Variants in SLC24A3 observed in about 807,000 individuals in gnomAD.
SLC24A3 encodes the protein sodium/potassium/calcium exchanger 3.
A neutral mutation model predicts 75.8 loss-of-function variants in SLC24A3; 28 were observed. That is an observed-to-expected ratio of 0.37 (90% confidence interval 0.27 to 0.51). SLC24A3 has a LOEUF of 0.51. Ranked by LOEUF, SLC24A3 falls within the 20% of genes least tolerant of loss-of-function variation. SLC24A3 has a pLI of 0.94. For missense variants in SLC24A3, 663 were observed against 847.8 expected (o/e 0.78, Z 2.71); for synonymous variants, 372 against 334.1 (o/e 1.11, Z -1.24).
At chr20:19,496,628 C>G (rs926842689) in intron 2 of SLC24A3, among the ~76,000 whole-genome samples, 5 of 152,088 alleles carry the variant, frequency 3.3e-5, no homozygotes, top group African/African-American at 1.2e-4. Flanking sequence ...CCCGTGAAAG[C>G]CATGTTGGAC....
intron 3 of SLC24A3, among the ~76,000 whole-genome samples, chr20:19,540,072 G>A (rs769081012): frequency 2.4e-4 from 36 of 152,138 alleles, no homozygotes; most frequent in African/African-American, 8.5e-4. Flanking sequence ...TTCACTTGGC[G>A]GGAGAAGAGG....
intron 15 of SLC24A3, among the ~76,000 whole-genome samples, chr20:19,705,071 C>T (rs1568705114): frequency 6.6e-6 from 1 of 152,184 alleles, no homozygotes; most frequent in Non-Finnish European, 1.5e-5. Flanking sequence ...CAGACCAGAT[C>T]CATCCCTGAG....
chr20:19,401,104 G>T (rs1007736608), intron 2 of SLC24A3, among the ~76,000 whole-genome samples: 2 of 152,150 alleles, frequency 1.3e-5, no homozygotes, highest in Admixed American at 1.3e-4. Context: ...CATTTCAGGA[G>T]GGAAAATGAC....
intron 6 of SLC24A3, among the ~76,000 whole-genome samples, chr20:19,620,070 C>A (rs2031784138): frequency 6.6e-6 from 1 of 152,108 alleles, no homozygotes; most frequent in South Asian, 2.1e-4. Context: ...CCACTTTTTT[C>A]CTTGGCTGAC....
intron 1 of SLC24A3, among the ~76,000 whole-genome samples, chr20:19,218,751 A>G (rs1981630677): frequency 6.6e-6 from 1 of 151,344 alleles, no homozygotes; most frequent in Non-Finnish European, 1.5e-5. Context: ...TTGCAAAACT[A>G]GATATTTGCT....
chr20:19,345,415 A>G (rs1985368958), intron 2 of SLC24A3, among the ~76,000 whole-genome samples: 1 of 152,236 alleles, frequency 6.6e-6, no homozygotes, highest in African/African-American at 2.4e-5. Flanking sequence ...TAAAGTTTAT[A>G]TTGAAAGGCA....
intron 1 of SLC24A3, among the ~76,000 whole-genome samples, chr20:19,226,742 A>G (rs1054158629): frequency 1.1e-4 from 17 of 152,210 alleles, no homozygotes; most frequent in Admixed American, 2.0e-4. Flanking sequence ...GAAAAATAAG[A>G]CAAACAGTTT....
Position 19,658,291 on chromosome 20 carries a change from T to A in SLC24A3, c.687+4155T>A, listed in dbSNP as rs140142674. On this transcript the variant is annotated intron_variant, in intron 7 of 16. Coordinates refer to ENST00000328041, the MANE Select transcript of SLC24A3 (RefSeq NM_020689.4). Reference sequence around the variant, plus strand: ...GAGGGTCAGGAAAGCGCCAATAGAGTCCTTAAGACCTGGATTCAAAATGGC... The same window carrying A: ...GAGGGTCAGGAAAGCGCCAATAGAGACCTTAAGACCTGGATTCAAAATGGC... 2.3e-4 allele frequency among the ~76,000 whole-genome samples: 35 copies of A among 150,574 alleles called. 1 individual carries two copies. The highest frequency in any genetic ancestry group is 7.3e-4 in the African/African-American group (30 of 40,916).
intron 2 of SLC24A3, among the ~76,000 whole-genome samples, chr20:19,427,103 G>A (rs1260679906): frequency 1.3e-5 from 2 of 152,158 alleles, no homozygotes; most frequent in Non-Finnish European, 2.9e-5. Context: ...GTGTGCATGT[G>A]TATGCATATG....
chr20:19,386,827 G>A (rs750183615), intron 2 of SLC24A3, among the ~76,000 whole-genome samples: 6 of 152,100 alleles, frequency 3.9e-5, no homozygotes, highest in Non-Finnish European at 5.9e-5. Flanking sequence ...GTATTTTATT[G>A]AGGATTTTTG....
chr20:19,690,784 G>A (rs1248158251), intron 12 of SLC24A3, among the ~76,000 whole-genome samples: 1 of 152,180 alleles, frequency 6.6e-6, no homozygotes, highest in East Asian at 1.9e-4. Context: ...CAGTCTCTAT[G>A]TTCTCATCAT....
chr20:19,560,879 A>G (rs1389418481), intron 3 of SLC24A3, among the ~76,000 whole-genome samples: 5 of 152,210 alleles, frequency 3.3e-5, no homozygotes, highest in Non-Finnish European at 7.3e-5. Context: ...ATATGTAAGT[A>G]TAATTAATAG....
intron 6 of SLC24A3, among the ~76,000 whole-genome samples, chr20:19,600,491 A>G (rs562448388): frequency 2.0e-5 from 3 of 152,234 alleles, no homozygotes; most frequent in South Asian, 2.1e-4. Flanking sequence ...ATAAATAAAA[A>G]TGGATTTTAA....
At chr20:19,262,696 G>T (rs1306425590) in intron 1 of SLC24A3, among the ~76,000 whole-genome samples, 1 of 152,126 alleles carries the variant, frequency 6.6e-6, no homozygotes, top group African/African-American at 2.4e-5. Flanking sequence ...AATGGGGACT[G>T]GTGGAAGGGA....
chr20:19,450,999 CA>C (rs1370301649), intron 2 of SLC24A3, among the ~76,000 whole-genome samples: 2 of 150,146 alleles, frequency 1.3e-5, no homozygotes, highest in Non-Finnish European at 3.0e-5. Flanking sequence ...GACTCTGTTT[CA>C]AAAAAAAAGG....
intron 2 of SLC24A3, among the ~76,000 whole-genome samples, chr20:19,448,021 C>G (rs529700714): frequency 6.6e-6 from 1 of 152,338 alleles, no homozygotes; most frequent in African/African-American, 2.4e-5. Flanking sequence ...AAAATGAGCT[C>G]GCTCTTCCCA....
At chr20:19,326,969 G>A (rs1984877138) in intron 2 of SLC24A3, among the ~76,000 whole-genome samples, 2 of 151,974 alleles carry the variant, frequency 1.3e-5, no homozygotes, top group South Asian at 4.2e-4. Context: ...AAACTCATTA[G>A]CAGAAGACTT....
chr20:19,337,269 A>C (rs1047074855), intron 2 of SLC24A3, among the ~76,000 whole-genome samples: 6 of 152,004 alleles, frequency 3.9e-5, no homozygotes, highest in Admixed American at 1.3e-4. Context: ...AAATGGAGAA[A>C]CCTCGTCTTT....
chr20:19,222,781 C>CT (rs1225244573), intron 1 of SLC24A3, among the ~76,000 whole-genome samples: 24 of 127,710 alleles, frequency 1.9e-4, no homozygotes, highest in Non-Finnish European at 2.4e-4. Flanking sequence ...CTTCCCCTCC[C>CT]TCCCTTCCTT....
Sources: allele counts gnomAD v4.1 joint callset (sites outside exome capture counted in the v4.1 genomes callset), GRCh38; gene constraint gnomAD v4.1.1; transcripts MANE v1.5; gene names NCBI Gene and HGNC (gene_info 2026-07-23, HGNC 2026-07-21).